The following SH3BGR variants were observed in gnomAD, a reference collection of about 807,000 sequenced individuals.
SH3BGR encodes SH3 domain-binding glutamic acid-rich protein.
A neutral mutation model predicts 24.5 loss-of-function variants in SH3BGR; 29 were observed. The observed-to-expected ratio is 1.18, with a 90% CI of 0.88 to 1.61. The LOEUF (loss-of-function observed/expected upper bound fraction) is 1.61, where lower values mean the gene tolerates loss of function less well. Ranked by LOEUF, SH3BGR falls within the 40% of genes most tolerant of loss-of-function variation. The pLI, the probability that SH3BGR is intolerant of heterozygous loss-of-function variation, is 0.00. For synonymous variants in SH3BGR, 55 were observed against 65.7 expected, an observed-to-expected ratio of 0.84 and a Z score of 0.79; for missense variants, 162 against 205.8, an observed-to-expected ratio of 0.79 and a Z score of 1.30.
At position 39,509,353 on chromosome 21, in the gene SH3BGR, A is replaced by G. The variant is rs114119395; in HGVS notation, c.435+326A>G. Among the ~76,000 whole-genome samples the G allele has an allele frequency of 3.4e-3, 508 of 151,478 alleles. 4 individuals carry two copies. The highest frequency in any genetic ancestry group is 0.012 in the African/African-American group (495 of 41,174). On this transcript the variant is annotated intron_variant, in intron 5 of 6. Transcript: ENST00000333634. ...AGATGCCTGCTCCTCGTCCTTTTCCACCCTGTTGAATGCACTGGGTTTAGG... is the reference window on the plus strand; with the variant it reads ...AGATGCCTGCTCCTCGTCCTTTTCCGCCCTGTTGAATGCACTGGGTTTAGG...
intron 3 of SH3BGR, chr21:39,488,357 G>A (rs1034192141): frequency 3.6e-5 from 8 of 225,276 alleles, no homozygotes; most frequent in Non-Finnish European, 7.5e-5. Context: ...AGACCGCAGA[G>A]TTCAAGGAGG....
chr21:39,509,119 T>TTAAG, intron 5 of SH3BGR, 92 bp downstream of exon 5: 1 of 1,032,216 alleles, frequency 9.7e-7, no homozygotes, highest in Non-Finnish European at 1.5e-6. Flanking sequence ...ACGTTCTTAA[T>TTAAG]AACATAAGAG....
At chr21:39,466,395 A>T (rs2077842907) in intron 2 of SH3BGR, among the ~76,000 whole-genome samples, 2 of 152,172 alleles carry the variant, frequency 1.3e-5, no homozygotes, top group African/African-American at 4.8e-5. Context: ...GCTGTTTTCC[A>T]ATTGGGTTAT....
Position 39,452,222 on chromosome 21 carries a change from A to G in SH3BGR, c.45+81A>G, listed in dbSNP as rs570268907. The G allele has an allele frequency of 5.1e-6, 8 of 1,564,292 alleles. No individual in the cohort carries two copies. The Admixed American group carries it at 5.5e-5, about 11-fold the overall frequency. On this transcript the variant is annotated intron_variant, in intron 1 of 6. Transcript: ENST00000333634. ...GGAAATATGGCCAACGTTGGCCTTC[A>G]GTTTCTTTTTTGCGTGTAGTCAGCT...
chr21:39,472,510 C>T (rs2077958350), intron 2 of SH3BGR, among the ~76,000 whole-genome samples: 1 of 152,176 alleles, frequency 6.6e-6, no homozygotes, highest in Non-Finnish European at 1.5e-5. Flanking sequence ...TGTTTGAGGC[C>T]TGGGGTTTAT....
intron 4 of SH3BGR, among the ~76,000 whole-genome samples, chr21:39,507,021 C>T (rs1188655064): frequency 2.6e-5 from 4 of 152,020 alleles, no homozygotes; most frequent in South Asian, 4.2e-4. Flanking sequence ...TAAAGAGGCA[C>T]GATCAACACG....
intron 3 of SH3BGR, among the ~76,000 whole-genome samples, chr21:39,489,521 C>T (rs1037469693): frequency 1.3e-5 from 2 of 152,166 alleles, no homozygotes; most frequent in Non-Finnish European, 2.9e-5. Context: ...CAGGGGTCAA[C>T]ACAGTGGTCA....
chr21:39,488,574 G>C, intron 3 of SH3BGR: 1 of 291,246 alleles, frequency 3.4e-6, no homozygotes, highest in South Asian at 6.1e-5. Context: ...CAAGGACTAG[G>C]GTGCCTAGTT....
intron 4 of SH3BGR, among the ~76,000 whole-genome samples, chr21:39,508,052 T>G (rs1416469593): frequency 6.6e-6 from 1 of 152,224 alleles, no homozygotes; most frequent in Non-Finnish European, 1.5e-5. Context: ...CTGTGACCTT[T>G]GACTTTGGCA....
At chr21:39,464,929 A>G (rs1333707945) in intron 2 of SH3BGR, among the ~76,000 whole-genome samples, 1 of 152,154 alleles carries the variant, frequency 6.6e-6, no homozygotes. Context: ...CCACTGAAAA[A>G]TTAAGGTGAT....
intron 6 of SH3BGR, among the ~76,000 whole-genome samples, chr21:39,513,283 A>G (rs1403153158): frequency 6.6e-6 from 1 of 152,212 alleles, no homozygotes; most frequent in African/African-American, 2.4e-5. Flanking sequence ...GAATTGGTGC[A>G]TGTACAAAGA....
chr21:39,501,720 ATGT>A (rs1569173030), intron 4 of SH3BGR, among the ~76,000 whole-genome samples: 1 of 152,228 alleles, frequency 6.6e-6, no homozygotes, highest in Non-Finnish European at 1.5e-5. Flanking sequence ...CAGATGAAAA[ATGT>A]TGTAAAAACA....
At chr21:39,499,355 A>G (rs2078453743) in intron 3 of SH3BGR, among the ~76,000 whole-genome samples, 1 of 151,502 alleles carries the variant, frequency 6.6e-6, no homozygotes, top group Non-Finnish European at 1.5e-5. Context: ...TCTGAACATT[A>G]TCCATCCATC....
chr21:39,478,214 T>TA (rs1007442087), intron 3 of SH3BGR, among the ~76,000 whole-genome samples: 2 of 152,188 alleles, frequency 1.3e-5, no homozygotes, highest in African/African-American at 4.8e-5. Context: ...GATTACTTTT[T>TA]AAAAAAACAG....
rs187428881 is a variant in SH3BGR, at chr21:39,511,763, C to T, written c.519C>T (p.Asp173=). The T allele has an allele frequency of 7.2e-5, 116 of 1,612,664 alleles. No individual in the cohort carries two copies. The African/African-American group carries it at 9.3e-4, about 13-fold the overall frequency. The change falls in exon 6 of 7, where the codon GAC becomes GAT. Residue 173 remains aspartate (D), a synonymous_variant. Coordinates refer to ENST00000333634, the MANE Select transcript of SH3BGR (RefSeq NM_007341.3). The surrounding 1 kb of genome is among the most constrained non-coding windows in gnomAD (Gnocchi z 4.2). ...ETAEGEEPGE[D]EDS ...CAGAAGGAGAAGAGCCTGGAGAAGA[C>T]GAAGATTCCTAGGCCTTTTCATGCT...
At chr21:39,448,892 C>T (rs2077541681), upstream of SH3BGR, among the ~76,000 whole-genome samples, 1 of 151,820 alleles carries the variant, frequency 6.6e-6, no homozygotes, top group Non-Finnish European at 1.5e-5. Flanking sequence ...TCAGTATGCG[C>T]CCCCACCCCC....
intron 2 of SH3BGR, among the ~76,000 whole-genome samples, chr21:39,465,379 G>T (rs961714398): frequency 6.6e-6 from 1 of 152,192 alleles, no homozygotes; most frequent in Non-Finnish European, 1.5e-5. Context: ...AGGGCCTCAT[G>T]TTTTCATCTT....
At chr21:39,510,943 A>ATATATATATATG (rs1308939570) in intron 5 of SH3BGR, among the ~76,000 whole-genome samples, 3 of 138,216 alleles carry the variant, frequency 2.2e-5, no homozygotes, top group Non-Finnish European at 4.7e-5. Flanking sequence ...ATATATATAT[A>ATATATATATATG]TATACTTTCT....
chr21:39,455,764 C>A (rs1602065571), intron 1 of SH3BGR, among the ~76,000 whole-genome samples: 2 of 152,350 alleles, frequency 1.3e-5, no homozygotes, highest in African/African-American at 4.8e-5. Context: ...TGCAGGCTCC[C>A]AGCCCAGGCA....
Sources: gnomAD v4.1 joint callset for allele counts (sites outside exome capture counted in the v4.1 genomes callset) on GRCh38, gnomAD v4.1.1 for gene constraint, Gnocchi (gnomAD v3.1) non-coding constraint, MANE v1.5 for transcripts, NCBI Gene and HGNC (gene_info 2026-07-23, HGNC 2026-07-21) for gene names.